Variants in MTOR observed in about 807,000 individuals in gnomAD.
The protein encoded by MTOR is mechanistic target of rapamycin kinase, also known as serine/threonine-protein kinase mTOR.
In MTOR, 70 loss-of-function variants were observed where a neutral mutation model predicts 319.8. The ratio of observed to expected loss-of-function variants is 0.22; its 90% confidence interval spans 0.18 to 0.27. MTOR has a LOEUF of 0.27. Among genes scored for constraint, MTOR ranks in the 10% least tolerant of loss-of-function variants. The probability of loss-of-function intolerance (pLI) is 1.00; values close to 1 mark genes in which losing one functional copy is unlikely to be tolerated. For synonymous variants in MTOR, 1,183 were observed against 1,211.4 expected, an observed-to-expected ratio of 0.98 and a Z score of 0.49; for missense variants, 1,890 against 3,274.4, an observed-to-expected ratio of 0.58 and a Z score of 10.32.
At position 11,236,933 on chromosome 1, in the gene MTOR, A is replaced by G. The variant is rs547740243; in HGVS notation, c.2208+910T>C. Reference sequence around the variant, plus strand: ...TTACGCTAAAAATAGAAGTGCCAACATAAGTACAACTTCCTAATTTGTTGA... The same window carrying G: ...TTACGCTAAAAATAGAAGTGCCAACGTAAGTACAACTTCCTAATTTGTTGA... On this transcript the variant is annotated intron_variant, in intron 13 of 57. Coordinates refer to ENST00000361445, the MANE Select transcript of MTOR (RefSeq NM_004958.4). Among the ~76,000 whole-genome samples, 58 of 152,370 alleles carry G rather than the reference A, an allele frequency of 3.8e-4. No homozygotes were observed. The South Asian group carries it at 7.9e-3, about 21-fold the overall frequency.
rs34392850 is a variant in MTOR at position 11,175,746 on chromosome 1, G to GTTTTTTTTTTTTT, written c.4254-8242_4254-8230dup. 6.4e-3 allele frequency among the ~76,000 whole-genome samples: 876 copies of GTTTTTTTTTTTTT among 137,078 alleles called. 16 individuals are homozygous for GTTTTTTTTTTTTT. The highest frequency in any genetic ancestry group is 0.022 in the African/African-American group (801 of 36,268). 89.9% of individuals were successfully genotyped at this position (137,078 alleles called of 152,430 possible). A position where few individuals can be genotyped will look rare whatever the true frequency, so the allele number is the denominator to read the frequency against. ...TTTCCTCTCAGGCTCTCCCTAGCAG[G>GTTTTTTTTTTTTT]TTTTTTTTTTTTTTTTGAGACAGGG... On this transcript the variant is annotated intron_variant, in intron 28 of 57. Coordinates refer to ENST00000361445, the MANE Select transcript of MTOR (RefSeq NM_004958.4).
At chr1:11,244,452 A>G (rs1226193076) in intron 8 of MTOR, among the ~76,000 whole-genome samples, 3 of 151,966 alleles carry the variant, frequency 2.0e-5, no homozygotes, top group Non-Finnish European at 4.4e-5. Context: ...GCACAACATG[A>G]TGAAACCCCG....
intron 34 of MTOR, among the ~76,000 whole-genome samples, chr1:11,141,525 T>A (rs1417336960): frequency 6.6e-6 from 1 of 151,950 alleles, no homozygotes; most frequent in Non-Finnish European, 1.5e-5. Context: ...TGTGCCACCA[T>A]GCCTGGCTAA....
At chr1:11,153,050 T>C (rs1644201363) in intron 30 of MTOR, among the ~76,000 whole-genome samples, 2 of 152,168 alleles carry the variant, frequency 1.3e-5, no homozygotes, top group Admixed American at 6.5e-5. Context: ...TCAACTTCTG[T>C]GAGCCTCAGT....
Position 11,199,109 on chromosome 1 carries a change from A to G in MTOR, c.4253+149T>C. The stretch of plus-strand genomic sequence containing the variant: ...ATTCCTGGGGAGAGCCATCTGCAAC[A>G]ACATGTCATTTAAACATGCTGGCCA... On this transcript the variant is annotated intron_variant, in intron 28 of 57. Coordinates refer to ENST00000361445, the MANE Select transcript of MTOR (RefSeq NM_004958.4). This position sits in a 1 kb window ranked among gnomAD's most constrained non-coding sequence, Gnocchi z 4.5. The G allele has an allele frequency of 2.1e-6, 2 of 961,264 alleles. No homozygotes were observed. The highest frequency in any genetic ancestry group is 3.1e-6 in the Non-Finnish European group (2 of 640,518). The allele number at this position is 961,264 out of a possible 1,614,324, so 59.5% of individuals were successfully genotyped here.
intron 57 of MTOR, 42 bp downstream of exon 57, chr1:11,108,139 G>A (rs749396346): frequency 4.6e-6 from 7 of 1,533,294 alleles, no homozygotes; most frequent in Non-Finnish European, 4.5e-6. Context: ...CTTGGGACCT[G>A]ATTGCTTATT....
intron 46 of MTOR, 104 bp downstream of exon 46, chr1:11,126,518 T>C: frequency 7.9e-7 from 1 of 1,272,710 alleles, no homozygotes; most frequent in East Asian, 2.4e-5. Context: ...GTAGCTATGA[T>C]AGGTGAGTAG....
rs1371086524 is a variant in MTOR, at chr1:11,121,912, G to A, written c.6810+67C>T. On this transcript the variant is annotated intron_variant, in intron 48 of 57. Transcript: ENST00000361445. This position sits in a 1 kb window ranked among gnomAD's most constrained non-coding sequence, Gnocchi z 4.9. Reference sequence around the variant, plus strand: ...GTGACAGACATACAGAGAGGAATGAGAAAAGCAGCGCTACGGAGATTCCCT... The same window carrying A: ...GTGACAGACATACAGAGAGGAATGAAAAAAGCAGCGCTACGGAGATTCCCT... The A allele has an allele frequency of 1.3e-6, 2 of 1,579,542 alleles. No individual in the cohort carries two copies.
intron 28 of MTOR, chr1:11,194,915 TG>T: frequency 6.2e-7 from 1 of 1,614,122 alleles, no homozygotes; most frequent in Non-Finnish European, 8.5e-7. Context: ...ACCGCCTGGG[TG>T]AGCACAATAA....
At chr1:11,201,961 C>T (rs539130473) in intron 26 of MTOR, among the ~76,000 whole-genome samples, 27 of 152,218 alleles carry the variant, frequency 1.8e-4, no homozygotes, top group Admixed American at 2.0e-4. Flanking sequence ...CTTCATGCCA[C>T]CACGCTTGGC....
intron 26 of MTOR, among the ~76,000 whole-genome samples, chr1:11,203,711 A>C (rs933355177): frequency 1.3e-5 from 2 of 152,188 alleles, no homozygotes; most frequent in African/African-American, 2.4e-5. Context: ...TTTTCCAAAG[A>C]TGTCTGCAAC....
chr1:11,204,183 G>A lies in MTOR; in HGVS notation c.3944+378C>T, dbSNP rs1440133194. On this transcript the variant is annotated intron_variant, in intron 26 of 57. Coordinates refer to ENST00000361445, the MANE Select transcript of MTOR (RefSeq NM_004958.4). Reference sequence around the variant, plus strand: ...GTCCTCCCAAATTGCAGATTCAGGAGTAAAATAAATAACTGTTATTGTTTC... The same window carrying A: ...GTCCTCCCAAATTGCAGATTCAGGAATAAAATAAATAACTGTTATTGTTTC... Among the ~76,000 whole-genome samples, 5 of 152,232 alleles carry A rather than the reference G, an allele frequency of 3.3e-5. No individual in the cohort carries two copies. In the East Asian group the frequency reaches 7.7e-4, roughly 23 times the overall value.
chr1:11,258,501 A>C lies in MTOR; in HGVS notation c.255T>G (p.Gly85=). 6 of 1,613,842 alleles carry C rather than the reference A, an allele frequency of 3.7e-6. No individual in the cohort carries two copies. Among genetic ancestry groups the C allele is most frequent in the Non-Finnish European group, 3.4e-6 (4 of 1,179,816 alleles). The stretch of plus-strand genomic sequence containing the variant: ...TGTCCTTACCTATGGCCAAGATGCC[A>C]CCTTTCCTCTCATTGGCATCTGAGC... ...VSSSDANERK[G]GILAIASLIG... The change falls in exon 3 of 58, where the codon GGT becomes GGG. Residue 85 remains glycine (G), a synonymous_variant. Transcript: ENST00000361445.
rs1295083755 is a variant in MTOR, at chr1:11,213,456, T to C, written c.3228A>G (p.Pro1076=). ...EFKLYLPQLI[P]HMLRVFMHDN... is the part of the protein sequence containing the mutation. ...CATGCATGAAGACACGCAGCATGTG[T>C]GGGATCAGCTGGGGCAGGTAGAGCT... Residue 1076 remains proline, a synonymous_variant, in exon 21 of 58, where the codon CCA becomes CCG. Transcript: ENST00000361445. 6.2e-7 allele frequency: 1 copy of C among 1,613,844 alleles called. No individual in the cohort carries two copies. The highest frequency in any genetic ancestry group is 1.1e-5 in the South Asian group (1 of 91,064).
chr1:11,163,916 C>G (rs1644555666), intron 29 of MTOR, among the ~76,000 whole-genome samples: 1 of 150,390 alleles, frequency 6.6e-6, no homozygotes, highest in Non-Finnish European at 1.5e-5. Flanking sequence ...TAGCAGAAGG[C>G]AAGAAATAAC....
chr1:11,130,172 G>A (rs1433468685), intron 39 of MTOR, among the ~76,000 whole-genome samples: 2 of 152,144 alleles, frequency 1.3e-5, no homozygotes, highest in Non-Finnish European at 2.9e-5. Flanking sequence ...GGGAAGAAGT[G>A]GAAGTGGAGA....
intron 15 of MTOR, 117 bp downstream of exon 15, chr1:11,233,281 T>C (rs1647083236): frequency 1.1e-6 from 1 of 944,228 alleles, no homozygotes; most frequent in Admixed American, 2.2e-5. Flanking sequence ...TTGGCTGGGT[T>C]CCGCAATAAA....
rs1057519780 is a variant in MTOR at position 11,127,800 on chromosome 1, C to T, written c.6040G>A (p.Glu2014Lys). Residue 2014 changes from glutamate (E) to lysine (K), a missense_variant, in exon 44 of 58, where the codon GAG (glutamate) becomes AAG (lysine). This residue lies in a region of MTOR where 249 missense variants were observed against 596.2 expected (regional missense o/e 0.42). Coordinates refer to ENST00000361445, the MANE Select transcript of MTOR (RefSeq NM_004958.4). The surrounding 1 kb of genome is among the most constrained non-coding windows in gnomAD (Gnocchi z 5.5). Reference protein sequence around the residue: ...TLVQQAMMVSEELIRVAILWH... With the variant: ...TLVQQAMMVSKELIRVAILWH... Reference sequence around the variant, plus strand: ...AGGATGGCCACTCGGATCAGCTCCTCGCTCACCTGAAGCCAAGAGAAGAAG... The same window carrying T: ...AGGATGGCCACTCGGATCAGCTCCTTGCTCACCTGAAGCCAAGAGAAGAAG... 6.2e-7 allele frequency: 1 copy of T among 1,611,944 alleles called. No individual in the cohort carries two copies. The highest frequency in any genetic ancestry group is 8.5e-7 in the Non-Finnish European group (1 of 1,178,922).
Position 11,128,572 on chromosome 1 carries a change from A to G in MTOR, c.5812-20T>C. 3.7e-6 allele frequency: 6 copies of G among 1,604,054 alleles called. No homozygotes were observed. The highest frequency in any genetic ancestry group is 5.1e-6 in the Non-Finnish European group (6 of 1,170,862). ...TATAACCTGGTATTCAAAAAGACAC[A>G]GTATGTAGCATATGAGACTTGAAAC... On this transcript the variant is annotated intron_variant, in intron 41 of 57. Transcript: ENST00000361445. This position sits in a 1 kb window ranked among gnomAD's most constrained non-coding sequence, Gnocchi z 5.3.
Sources: gnomAD v4.1 joint callset for allele counts (sites outside exome capture counted in the v4.1 genomes callset) on GRCh38, gnomAD v4.1.1 for gene constraint, gnomAD v4.1.1 regional missense constraint, Gnocchi (gnomAD v3.1) non-coding constraint, MANE v1.5 for transcripts, NCBI Gene and HGNC (gene_info 2026-07-23, HGNC 2026-07-21) for gene names.